Variants in KAT7 observed in about 807,000 individuals in gnomAD.
The protein encoded by KAT7 is lysine acetyltransferase 7.
KAT7 carries 10 observed loss-of-function variants against 82.1 expected under a neutral mutation model. The observed-to-expected ratio is 0.12, with a 90% CI of 0.08 to 0.21. KAT7 has a LOEUF of 0.21. Ranked by LOEUF, KAT7 falls within the 10% of genes least tolerant of loss-of-function variation. KAT7 has a pLI of 1.00. For missense variants in KAT7, 378 were observed against 760.9 expected (o/e 0.50, Z 5.92); for synonymous variants, 250 against 262.5 (o/e 0.95, Z 0.46).
At chr17:49,790,141 C>T (rs987465909) in intron 1 of KAT7, among the ~76,000 whole-genome samples, 3 of 152,102 alleles carry the variant, frequency 2.0e-5, no homozygotes, top group Non-Finnish European at 2.9e-5. Context: ...TGAAAATGTA[C>T]ACTTTTTAAT....
chr17:49,799,516 G>T (rs1190095146), intron 4 of KAT7, among the ~76,000 whole-genome samples: 1 of 152,116 alleles, frequency 6.6e-6, no homozygotes, highest in East Asian at 1.9e-4. Flanking sequence ...GAGTAGTTGG[G>T]ATTACAGATG....
chr17:49,814,624 A>G (rs530478264), intron 7 of KAT7, among the ~76,000 whole-genome samples: 100 of 152,290 alleles, frequency 6.6e-4, no homozygotes, highest in Non-Finnish European at 7.6e-4. Context: ...TTTAACCTTA[A>G]CAAACATCTG....
At position 49,829,697 on chromosome 17, in the gene KAT7, G is replaced by A. The variant is rs938514458; in HGVS notation, c.*2195G>A. ...GGAATGGTTTCACTCACTGTGACCA[G>A]TAGTGGTGAGAACCCATACAGTTGA... On this transcript the variant is annotated 3_prime_UTR_variant, in exon 15 of 15. Coordinates refer to ENST00000259021, the MANE Select transcript of KAT7 (RefSeq NM_007067.5). 6.6e-6 allele frequency: 1 copy of A among 152,230 alleles called. No homozygotes were observed. 9.4% of individuals were successfully genotyped at this position (152,230 alleles called of 1,614,324 possible). A position where few individuals can be genotyped will look rare whatever the true frequency, so the allele number is the denominator to read the frequency against.
intron 5 of KAT7, among the ~76,000 whole-genome samples, chr17:49,806,098 T>G (rs2074088769): frequency 1.3e-5 from 2 of 152,236 alleles, no homozygotes; most frequent in Non-Finnish European, 2.9e-5. Context: ...TGGAAAATGT[T>G]ATTAATTAAA....
At position 49,827,344 on chromosome 17, in the gene KAT7, A is replaced by G. The variant is rs530756882; in HGVS notation, c.1735-57A>G. On this transcript the variant is annotated intron_variant, in intron 14 of 14. Coordinates refer to ENST00000259021, the MANE Select transcript of KAT7 (RefSeq NM_007067.5). ...TTGGCGGTTAGTTATTTTGGAATCT[A>G]TGTAAAGGCACTTGAGTTGAAAGTA... 8.5e-5 allele frequency: 88 copies of G among 1,030,130 alleles called. 1 individual carries two copies. The South Asian group carries it at 9.8e-4, about 11-fold the overall frequency. 63.8% of individuals were successfully genotyped at this position (1,030,130 alleles called of 1,614,324 possible).
intron 2 of KAT7, among the ~76,000 whole-genome samples, 164 bp downstream of exon 2, chr17:49,792,197 T>C (rs544439288): frequency 6.6e-6 from 1 of 152,322 alleles, no homozygotes; most frequent in Admixed American, 6.5e-5. Flanking sequence ...GTCAGGTCTT[T>C]AACAATGCCT....
At position 49,814,005 on chromosome 17, in the gene KAT7, C is replaced by T. The variant is rs1468437725; in HGVS notation, c.853-1798C>T. Among the ~76,000 whole-genome samples, 3 of 152,024 alleles carry T rather than the reference C, an allele frequency of 2.0e-5. No individual in the cohort carries two copies. The East Asian group carries it at 5.8e-4, about 29-fold the overall frequency. On this transcript the variant is annotated intron_variant, in intron 7 of 14. Transcript: ENST00000259021. Reference sequence around the variant, plus strand: ...GTTCTGGGTTCAAGCAATTCTCCTGCCTCAGCCTCCTGAGTAGCTGGAATA... The same window carrying T: ...GTTCTGGGTTCAAGCAATTCTCCTGTCTCAGCCTCCTGAGTAGCTGGAATA...
intron 7 of KAT7, among the ~76,000 whole-genome samples, chr17:49,813,650 GA>G (rs1789813628): frequency 6.6e-6 from 1 of 152,100 alleles, no homozygotes; most frequent in Non-Finnish European, 1.5e-5. Context: ...CATTATTTCT[GA>G]AATAGTAGTG....
At chr17:49,795,302 C>CT (rs1397463825) in intron 2 of KAT7, 1 of 163,752 alleles carries the variant, frequency 6.1e-6, no homozygotes, top group African/African-American at 2.4e-5. Context: ...ACTAAGACTG[C>CT]TAGGGGCTTA....
At chr17:49,825,440 C>T (rs1418716103) in intron 12 of KAT7, among the ~76,000 whole-genome samples, 1 of 152,158 alleles carries the variant, frequency 6.6e-6, no homozygotes, top group African/African-American at 2.4e-5. Flanking sequence ...ATGGTGAAGG[C>T]TTCCAGAGTT....
rs181680560 is a variant in KAT7, at chr17:49,819,747, C to T, written c.1156-1590C>T. 1.5e-4 allele frequency among the ~76,000 whole-genome samples: 23 copies of T among 152,268 alleles called. 1 individual carries two copies. In the East Asian group the frequency reaches 4.4e-3, roughly 29 times the overall value. On this transcript the variant is annotated intron_variant, in intron 9 of 14. Coordinates refer to ENST00000259021, the MANE Select transcript of KAT7 (RefSeq NM_007067.5). ...CTGAAATGAAATGATCTTCCTTTGG[C>T]TTGGCTTCTGTTTCTGAACAAATAA... is the stretch of plus-strand genomic sequence containing the variant.
At chr17:49,819,927 G>A (rs1286050165) in intron 9 of KAT7, among the ~76,000 whole-genome samples, 1 of 152,204 alleles carries the variant, frequency 6.6e-6, no homozygotes. Flanking sequence ...TTCTTGAGTT[G>A]ACAAAAAGAG....
rs902026280 is a variant in KAT7, at chr17:49,830,222, C to T, written c.*2720C>T. On this transcript the variant is annotated 3_prime_UTR_variant, in exon 15 of 15. Coordinates refer to ENST00000259021, the MANE Select transcript of KAT7 (RefSeq NM_007067.5). Reference sequence around the variant, plus strand: ...TTTTTTTTTTTTAAAAAAAGACAGTCTCACTCTATCATCCAGTCCGGAATG... The same window carrying T: ...TTTTTTTTTTTTAAAAAAAGACAGTTTCACTCTATCATCCAGTCCGGAATG... 2 of 120,462 alleles carry T rather than the reference C, an allele frequency of 1.7e-5. No individual in the cohort carries two copies. Among genetic ancestry groups the T allele is most frequent in the African/African-American group, 3.4e-5 (1 of 29,838 alleles). 7.5% of individuals were successfully genotyped at this position (120,462 alleles called of 1,614,324 possible).
rs1443829676 is a variant in KAT7 at position 49,829,321 on chromosome 17, T to G, written c.*1819T>G. 1 of 152,234 alleles carries G rather than the reference T, an allele frequency of 6.6e-6. No individual in the cohort carries two copies. Among genetic ancestry groups the G allele is most frequent in the Non-Finnish European group, 1.5e-5 (1 of 68,044 alleles). The allele number at this position is 152,234 out of a possible 1,614,324, so 9.4% of individuals were successfully genotyped here. A position where few individuals can be genotyped will look rare whatever the true frequency, so the allele number is the denominator to read the frequency against. On this transcript the variant is annotated 3_prime_UTR_variant, in exon 15 of 15. Transcript: ENST00000259021. ...GTGGCACAAATTTGATCTGCCTCAC[T>G]TTGGTTCCAGCTAATCAGTATACGT...
At chr17:49,826,445 C>T (rs1420702975) in intron 13 of KAT7, 4 of 507,058 alleles carry the variant, frequency 7.9e-6, no homozygotes, top group Non-Finnish European at 1.4e-5. Context: ...AAGGGTGGAA[C>T]AATTTAGTTT....
intron 5 of KAT7, among the ~76,000 whole-genome samples, chr17:49,806,179 G>A (rs2074089560): frequency 6.6e-6 from 1 of 152,144 alleles, no homozygotes; most frequent in African/African-American, 2.4e-5. Flanking sequence ...TGTTTTTGTT[G>A]TTACTTTGCT....
At chr17:49,822,768 C>T (rs1350694446) in intron 11 of KAT7, among the ~76,000 whole-genome samples, 1 of 152,054 alleles carries the variant, frequency 6.6e-6, no homozygotes, top group Non-Finnish European at 1.5e-5. Context: ...ACGTTTCCTA[C>T]AAGTGGAATC....
chr17:49,808,870 A>G (rs577151445), intron 5 of KAT7, among the ~76,000 whole-genome samples: 3 of 152,204 alleles, frequency 2.0e-5, no homozygotes, highest in African/African-American at 4.8e-5. Flanking sequence ...GTCATCAGAC[A>G]TGATTAAAAC....
At chr17:49,823,037 GC>G (rs1399508139) in intron 11 of KAT7, among the ~76,000 whole-genome samples, 164 bp from the exon 12 acceptor site, 1 of 152,144 alleles carries the variant, frequency 6.6e-6, no homozygotes, top group Non-Finnish European at 1.5e-5. Flanking sequence ...AATGGCTTTG[GC>G]CATGATAAAG....
Sources: gnomAD v4.1 joint callset for allele counts (sites outside exome capture counted in the v4.1 genomes callset) on GRCh38, gnomAD v4.1.1 for gene constraint, MANE v1.5 for transcripts, NCBI Gene and HGNC (gene_info 2026-07-23, HGNC 2026-07-21) for gene names.